The following NWD1 variants were observed in gnomAD, a reference collection of about 807,000 sequenced individuals.
NWD1 encodes NACHT and WD repeat domain containing 1.
Under a neutral mutation model 135.1 loss-of-function variants are expected in NWD1, and 129 were observed. The observed-to-expected ratio is 0.96, with a 90% CI of 0.83 to 1.11. The LOEUF is 1.11. Ranked by LOEUF, NWD1 falls within the 50% of genes least tolerant of loss-of-function variation. The probability of loss-of-function intolerance (pLI) is 0.00; values close to 1 mark genes in which losing one functional copy is unlikely to be tolerated. For missense variants in NWD1, 1,740 were observed against 1,851.3 expected, an observed-to-expected ratio of 0.94 and a Z score of 1.10; for synonymous variants, 773 against 786.0, an observed-to-expected ratio of 0.98 and a Z score of 0.28.
intron 11 of NWD1, among the ~76,000 whole-genome samples, chr19:16,777,941 G>T (rs1031334415): frequency 3.8e-5 from 5 of 131,980 alleles, no homozygotes; most frequent in Non-Finnish European, 8.1e-5. Context: ...GGAAGGGAAA[G>T]GGAAGGAAAG....
chr19:16,755,839 A>G lies in NWD1; in HGVS notation c.1770-3386A>G, dbSNP rs796787737. ...AGGCGTGAGCCACCGTACCTGGCCT[A>G]TAATCTATCTCTGTATATACAGTTG... On this transcript the variant is annotated intron_variant, in intron 6 of 18. Transcript: ENST00000524140. Among the ~76,000 whole-genome samples the G allele has an allele frequency of 6.6e-5, 10 of 152,218 alleles. 1 individual carries two copies. The highest frequency in any genetic ancestry group is 2.4e-4 in the African/African-American group (10 of 41,552).
At chr19:16,737,375 C>T (rs570966338) in intron 4 of NWD1, among the ~76,000 whole-genome samples, 1 of 152,102 alleles carries the variant, frequency 6.6e-6, no homozygotes, top group Non-Finnish European at 1.5e-5. Context: ...GATCTCCCTG[C>T]CTTGTTCTCC....
intron 17 of NWD1, among the ~76,000 whole-genome samples, chr19:16,800,792 T>C (rs1207138901): frequency 1.3e-5 from 2 of 152,144 alleles, no homozygotes; most frequent in African/African-American, 4.8e-5. Flanking sequence ...ATCACTTCCC[T>C]GTCACTCTGC....
chr19:16,769,501 G>C (rs944515665), intron 10 of NWD1, among the ~76,000 whole-genome samples: 1 of 150,714 alleles, frequency 6.6e-6, no homozygotes, highest in Non-Finnish European at 1.5e-5. Flanking sequence ...TATCTCTATT[G>C]AATCTTCTAG....
chr19:16,815,358 G>T lies in NWD1; in HGVS notation c.*319G>T, dbSNP rs751260273. ...AATAAAAATAAAAAAACCCTGTGGGGGTATGGGGCTCCAGTGAGTTAGCCC... is the reference window on the plus strand; with the variant it reads ...AATAAAAATAAAAAAACCCTGTGGGTGTATGGGGCTCCAGTGAGTTAGCCC... On this transcript the variant is annotated 3_prime_UTR_variant, in exon 19 of 19. Coordinates refer to ENST00000524140, the MANE Select transcript of NWD1 (RefSeq NM_001007525.5). 1.4e-6 allele frequency: 1 copy of T among 696,042 alleles called. No individual in the cohort carries two copies. The highest frequency in any genetic ancestry group is 1.6e-5 in the South Asian group (1 of 62,536). 43.1% of individuals were successfully genotyped at this position (696,042 alleles called of 1,614,324 possible).
At chr19:16,764,840 T>A (rs1392047266) in intron 9 of NWD1, among the ~76,000 whole-genome samples, 194 bp from the exon 10 acceptor site, 1 of 152,154 alleles carries the variant, frequency 6.6e-6, no homozygotes, top group Admixed American at 6.6e-5. Flanking sequence ...ATCTGGTGGG[T>A]GGAGGCCAGG....
At chr19:16,736,798 G>A in intron 4 of NWD1, 48 bp downstream of exon 4, 1 of 1,100,140 alleles carries the variant, frequency 9.1e-7, no homozygotes, top group Non-Finnish European at 1.3e-6. Context: ...TCCAGGATAT[G>A]CCCCCTGCTT....
intron 16 of NWD1, among the ~76,000 whole-genome samples, chr19:16,799,025 C>T (rs1173631530): frequency 6.6e-6 from 1 of 151,780 alleles, no homozygotes; most frequent in African/African-American, 2.4e-5. Context: ...GTTTACAGGG[C>T]ACCCTCCAGG....
intron 11 of NWD1, among the ~76,000 whole-genome samples, 158 bp from the exon 12 acceptor site, chr19:16,779,185 C>G (rs981826385): frequency 6.6e-6 from 1 of 152,104 alleles, no homozygotes; most frequent in Non-Finnish European, 1.5e-5. Flanking sequence ...TCTGAGTCTG[C>G]GAATCTAATC....
chr19:16,737,755 T>G (rs993991821), intron 4 of NWD1, among the ~76,000 whole-genome samples: 1 of 151,498 alleles, frequency 6.6e-6, no homozygotes, highest in Non-Finnish European at 1.5e-5. Flanking sequence ...GGGTGGATCA[T>G]GAAGTCAGGA....
intron 14 of NWD1, among the ~76,000 whole-genome samples, chr19:16,793,717 C>T (rs1251613942): frequency 3.3e-5 from 5 of 151,860 alleles, no homozygotes; most frequent in East Asian, 1.9e-4. Flanking sequence ...GCTGGGACTA[C>T]GGGCATGTGC....
At chr19:16,747,031 TTTTC>T (rs1460754947) in intron 5 of NWD1, among the ~76,000 whole-genome samples, 1 of 143,224 alleles carries the variant, frequency 7.0e-6, no homozygotes, top group Non-Finnish European at 1.5e-5. Flanking sequence ...GATATTTTCT[TTTTC>T]TTTCTTTTTT....
intron 2 of NWD1, among the ~76,000 whole-genome samples, chr19:16,730,299 T>A (rs1967504819): frequency 1.3e-5 from 2 of 151,000 alleles, no homozygotes; most frequent in Admixed American, 6.6e-5. Flanking sequence ...TCCAGCCTGG[T>A]GACAGAGTAA....
At chr19:16,732,330 T>C (rs539953777) in intron 3 of NWD1, among the ~76,000 whole-genome samples, 1 of 152,092 alleles carries the variant, frequency 6.6e-6, no homozygotes, top group South Asian at 2.1e-4. Context: ...TGAACACAGA[T>C]TCATCGCTGT....
chr19:16,730,549 A>G (rs1967516574), intron 2 of NWD1, among the ~76,000 whole-genome samples: 1 of 151,648 alleles, frequency 6.6e-6, no homozygotes, highest in South Asian at 2.1e-4. Flanking sequence ...CTCCTTCTCT[A>G]CAAAAAATTT....
At chr19:16,757,406 G>T (rs1968839251) in intron 6 of NWD1, among the ~76,000 whole-genome samples, 1 of 152,172 alleles carries the variant, frequency 6.6e-6, no homozygotes, top group African/African-American at 2.4e-5. Context: ...AAGGCTACTG[G>T]AAGGACCAAT....
chr19:16,744,156 A>C (rs182873844), intron 4 of NWD1, among the ~76,000 whole-genome samples: 85 of 152,242 alleles, frequency 5.6e-4, no homozygotes, highest in African/African-American at 2.0e-3. Context: ...TGTGAGGCTG[A>C]GATGAGAGGA....
intron 16 of NWD1, among the ~76,000 whole-genome samples, chr19:16,799,649 G>A (rs1970532951): frequency 6.6e-6 from 1 of 152,002 alleles, no homozygotes; most frequent in African/African-American, 2.4e-5. Context: ...TGGGATTACA[G>A]GCATGCACCA....
rs1293817865 is a variant in NWD1, at chr19:16,719,981, G to A, written c.-417G>A. ...CTCTCTAACCTATTTCCCCAGAGGA[G>A]TCTAAATTGGTCGTTCAACTACCAG... On this transcript the variant is annotated 5_prime_UTR_variant, in exon 1 of 19. Transcript: ENST00000524140. The A allele has an allele frequency of 1.3e-5, 2 of 152,210 alleles. No individual in the cohort carries two copies. The highest frequency in any genetic ancestry group is 4.8e-5 in the African/African-American group (2 of 41,452). 9.4% of individuals were successfully genotyped at this position (152,210 alleles called of 1,614,324 possible).
Sources: gnomAD v4.1 joint callset for allele counts (sites outside exome capture counted in the v4.1 genomes callset) on GRCh38, gnomAD v4.1.1 for gene constraint, MANE v1.5 for transcripts, NCBI Gene and HGNC (gene_info 2026-07-23, HGNC 2026-07-21) for gene names.